Variants in KRR1 observed in about 807,000 individuals in gnomAD.
The protein encoded by KRR1 is KRR1 small subunit processome component homolog.
In KRR1, 23 loss-of-function variants were observed where a neutral mutation model predicts 50.0. That is an observed-to-expected ratio of 0.46 (90% confidence interval 0.33 to 0.65). The LOEUF (loss-of-function observed/expected upper bound fraction) is 0.65, where lower values mean the gene tolerates loss of function less well. Among genes scored for constraint, KRR1 ranks in the 30% least tolerant of loss-of-function variants. The probability of loss-of-function intolerance (pLI) is 0.02; values close to 1 mark genes in which losing one functional copy is unlikely to be tolerated. For missense variants in KRR1, 419 were observed against 442.4 expected, an observed-to-expected ratio of 0.95 and a Z score of 0.47; for synonymous variants, 133 against 146.3, an observed-to-expected ratio of 0.91 and a Z score of 0.66.
intron 2 of KRR1, 79 bp downstream of exon 2, chr12:75,508,195 A>C (rs1400749957): frequency 1.0e-6 from 1 of 1,001,432 alleles, no homozygotes; most frequent in Non-Finnish European, 1.4e-6. Flanking sequence ...AAAAAAAAAA[A>C]AGCATTAGCA....
At chr12:75,505,416 A>T (rs1038734017) in intron 5 of KRR1, among the ~76,000 whole-genome samples, 162 bp from the exon 6 acceptor site, 1 of 152,042 alleles carries the variant, frequency 6.6e-6, no homozygotes, top group Non-Finnish European at 1.5e-5. Flanking sequence ...TCCATCTTTC[A>T]TAAAGGCAGT....
chr12:75,494,328 TATGA>T lies in KRR1; in HGVS notation c.*5477_*5480del, dbSNP rs1470506947. On this transcript the variant is annotated 3_prime_UTR_variant, in exon 10 of 10. Transcript: ENST00000229214. ...TATTAAAAATAACATTTCCTTTCAT[TATGA>T]ATGAAGACAACACTCCACCATCATA... 2.0e-5 allele frequency: 3 copies of T among 152,206 alleles called. No homozygotes were observed. The highest frequency in any genetic ancestry group is 1.9e-4 in the East Asian group (1 of 5,198). 9.4% of individuals were successfully genotyped at this position (152,206 alleles called of 1,614,324 possible).
chr12:75,509,586 CTTTTTT>C (rs895198427), intron 1 of KRR1, among the ~76,000 whole-genome samples: 22 of 131,256 alleles, frequency 1.7e-4, no homozygotes, highest in Non-Finnish European at 2.4e-4. Flanking sequence ...ATACACATTT[CTTTTTT>C]TTTTTTTTTT....
In KRR1 at chr12:75,495,293, C is replaced by T. The variant is rs2046343709; in HGVS notation, c.*4516G>A. ...AAATTGTGATTAAAGGTATCTCTTA[C>T]ATCTTTTGTCTCATCTGTAAAACAA... On this transcript the variant is annotated 3_prime_UTR_variant, in exon 10 of 10. Transcript: ENST00000229214. The T allele has an allele frequency of 1.0e-5, 3 of 286,308 alleles. No homozygotes were observed. The highest frequency in any genetic ancestry group is 2.0e-5 in the Non-Finnish European group (3 of 149,174). The allele number at this position is 286,308 out of a possible 1,614,324, so 17.7% of individuals were successfully genotyped here. A position where few individuals can be genotyped will look rare whatever the true frequency, so the allele number is the denominator to read the frequency against.
Position 75,501,759 on chromosome 12 carries a change from G to A in KRR1, c.967C>T (p.Pro323Ser). 1.2e-6 allele frequency: 2 copies of A among 1,610,646 alleles called. No individual in the cohort carries two copies. The highest frequency in any genetic ancestry group is 1.7e-6 in the Non-Finnish European group (2 of 1,178,056). ...RQEERNKAFI[P>S]PKEKPIVKPK... ...TTCACAATTGGTTTTTCCTTAGGTG[G>A]AATAAATGCTTTGTTTCTTTCCTCT... Residue 323 changes from proline (P) to serine (S), a missense_variant, in exon 9 of 10, where the codon CCA becomes TCA. Physicochemically the swap from Pro to Ser is moderately conservative, Grantham distance 74. Transcript: ENST00000229214.
intron 9 of KRR1, chr12:75,500,450 G>C (rs1594065542): frequency 6.6e-6 from 1 of 151,378 alleles, no homozygotes; most frequent in East Asian, 1.9e-4. Flanking sequence ...AAAATTTAAA[G>C]TTTTCCAAAT....
chr12:75,511,603 A>ACC lies in KRR1; in HGVS notation c.-7_-6insGG. On this transcript the variant is annotated 5_prime_UTR_variant, in exon 1 of 10. Transcript: ENST00000229214. The stretch of plus-strand genomic sequence containing the variant: ...TCCAGCGAGGGAGACGCCATTTGCA[A>ACC]GCTGCTTCCGGTGGCTCCGGAAATG... 2 of 1,613,728 alleles carry ACC rather than the reference A, an allele frequency of 1.2e-6. No individual in the cohort carries two copies. Among genetic ancestry groups the ACC allele is most frequent in the Admixed American group, 3.3e-5 (2 of 60,012 alleles).
rs752614186 is a variant in KRR1, at chr12:75,501,703, T to C, written c.1003+20A>G. 3 of 1,496,100 alleles carry C rather than the reference T, an allele frequency of 2.0e-6. No homozygotes were observed. Among genetic ancestry groups the C allele is most frequent in the Non-Finnish European group, 1.8e-6 (2 of 1,084,894 alleles). The allele number at this position is 1,496,100 out of a possible 1,614,324, so 92.7% of individuals were successfully genotyped here. A position where few individuals can be genotyped will look rare whatever the true frequency, so the allele number is the denominator to read the frequency against. On this transcript the variant is annotated intron_variant, in intron 9 of 9. Coordinates refer to ENST00000229214, the MANE Select transcript of KRR1 (RefSeq NM_007043.7). ...ACTTTTCCTAATTAATAAAGACTTT[T>C]ACATCATAGAAAGCATTACCTTCCT...
rs1196534314 is a variant in KRR1, at chr12:75,494,322, TTTCA to T, written c.*5483_*5486del. Reference sequence around the variant, plus strand: ...AACCTCTATTAAAAATAACATTTCCTTTCATTATGAATGAAGACAACACTCCACC... The same window carrying T: ...AACCTCTATTAAAAATAACATTTCCTTTATGAATGAAGACAACACTCCACC... On this transcript the variant is annotated 3_prime_UTR_variant, in exon 10 of 10. Transcript: ENST00000229214. 2 of 152,218 alleles carry T rather than the reference TTTCA, an allele frequency of 1.3e-5. No homozygotes were observed. The highest frequency in any genetic ancestry group is 4.8e-5 in the African/African-American group (2 of 41,462). 9.4% of individuals were successfully genotyped at this position (152,218 alleles called of 1,614,324 possible).
rs1229756952 is a variant in KRR1, at chr12:75,491,346, G to A, written c.*8463C>T. 1 of 152,202 alleles carries A rather than the reference G, an allele frequency of 6.6e-6. No homozygotes were observed. The highest frequency in any genetic ancestry group is 1.5e-5 in the Non-Finnish European group (1 of 68,038). The allele number at this position is 152,202 out of a possible 1,614,324, so 9.4% of individuals were successfully genotyped here. On this transcript the variant is annotated 3_prime_UTR_variant, in exon 10 of 10. Transcript: ENST00000229214. Reference sequence around the variant, plus strand: ...CAACCTGCCCAAAGTTCTACAGTTAGTGACTATCACTGATGGACTTTGATC... The same window carrying A: ...CAACCTGCCCAAAGTTCTACAGTTAATGACTATCACTGATGGACTTTGATC...
At chr12:75,511,197 A>G (rs574242235) in intron 1 of KRR1, among the ~76,000 whole-genome samples, 2 of 152,268 alleles carry the variant, frequency 1.3e-5, no homozygotes, top group South Asian at 2.1e-4. Context: ...AGTGACTTTC[A>G]GCCACCCGCA....
intron 1 of KRR1, among the ~76,000 whole-genome samples, chr12:75,511,205 G>A (rs892706455): frequency 1.3e-5 from 2 of 152,090 alleles, no homozygotes; most frequent in African/African-American, 2.4e-5. Flanking sequence ...TCAGCCACCC[G>A]CAGGCTTACA....
intron 3 of KRR1, 85 bp from the exon 4 acceptor site, chr12:75,506,694 C>G (rs2046424050): frequency 6.4e-7 from 1 of 1,551,502 alleles, no homozygotes; most frequent in Non-Finnish European, 8.6e-7. Context: ...CTATTGTTAC[C>G]TAAGCACAAA....
rs142850900 is a variant in KRR1, at chr12:75,497,669, T to G, written c.*2140A>C. ...GGATAAAAGCTTTTATTTAACAGAT[T>G]CCTTCTCAGACAAATTATGGCAAGC... On this transcript the variant is annotated 3_prime_UTR_variant, in exon 10 of 10. Coordinates refer to ENST00000229214, the MANE Select transcript of KRR1 (RefSeq NM_007043.7). The G allele has an allele frequency of 7.2e-5, 11 of 152,310 alleles. No homozygotes were observed. The East Asian group carries it at 2.1e-3, about 29-fold the overall frequency. The allele number at this position is 152,310 out of a possible 1,614,324, so 9.4% of individuals were successfully genotyped here. A position where few individuals can be genotyped will look rare whatever the true frequency, so the allele number is the denominator to read the frequency against.
chr12:75,504,616 A>C (rs1196496035), intron 6 of KRR1, among the ~76,000 whole-genome samples: 5 of 152,034 alleles, frequency 3.3e-5, no homozygotes, highest in African/African-American at 1.2e-4. Context: ...ACTTTCCCCC[A>C]ATCTAACAGT....
At position 75,511,539 on chromosome 12, in the gene KRR1, T is replaced by C; in HGVS notation, c.59A>G (p.Asn20Ser). 1 of 1,614,138 alleles carries C rather than the reference T, an allele frequency of 6.2e-7. No homozygotes were observed. The change falls in exon 1 of 10, where the codon AAC becomes AGC. Residue 20 changes from asparagine to serine, a missense_variant. By Grantham distance (46) the Asn-to-Ser change is conservative (BLOSUM62 1). Transcript: ENST00000229214. ...TTGGTTCTCCGGCTTCGGCTTCTGG[T>C]TACGAAATTCACTTTTTCCAGCGCC... ...EKGAGKSEFRNQKPKPENQDE... is the reference protein window; with the variant it reads ...EKGAGKSEFRSQKPKPENQDE...
At chr12:75,507,769 C>T (rs963461218) in intron 2 of KRR1, among the ~76,000 whole-genome samples, 2 of 151,838 alleles carry the variant, frequency 1.3e-5, no homozygotes, top group Non-Finnish European at 2.9e-5. Context: ...TTTCTAAAGG[C>T]TCATTATAGC....
chr12:75,505,991 G>A (rs2046419906), intron 5 of KRR1, among the ~76,000 whole-genome samples: 1 of 152,006 alleles, frequency 6.6e-6, no homozygotes, highest in South Asian at 2.1e-4. Flanking sequence ...CCGTCATTTG[G>A]ACATATGTAA....
intron 9 of KRR1, 21 bp downstream of exon 9, chr12:75,501,699 CTTT>C: frequency 6.8e-7 from 1 of 1,477,530 alleles, no homozygotes; most frequent in Non-Finnish European, 9.4e-7. Context: ...TTAATAAAGA[CTTT>C]TACATCATAG....
Sources: gnomAD v4.1 joint callset for allele counts (sites outside exome capture counted in the v4.1 genomes callset) on GRCh38, gnomAD v4.1.1 for gene constraint, MANE v1.5 for transcripts, NCBI Gene and HGNC (gene_info 2026-07-23, HGNC 2026-07-21) for gene names.